Variants in PRKCB observed in about 807,000 individuals in gnomAD.
The protein encoded by PRKCB is protein kinase C beta, also known as protein kinase C beta type.
Under a neutral mutation model 81.5 loss-of-function variants are expected in PRKCB, and 13 were observed. The ratio of observed to expected loss-of-function variants is 0.16; its 90% confidence interval spans 0.10 to 0.25. The LOEUF is 0.25. PRKCB is among the 10% of genes least tolerant of loss of function. PRKCB has a pLI of 1.00. For synonymous variants in PRKCB, 335 were observed against 321.4 expected (o/e 1.04, Z -0.45); for missense variants, 509 against 875.7 (o/e 0.58, Z 5.29).
chr16:24,085,968 C>T (rs914945851), intron 5 of PRKCB, among the ~76,000 whole-genome samples: 4 of 152,108 alleles, frequency 2.6e-5, no homozygotes, highest in Non-Finnish European at 2.9e-5. Context: ...GTTCTAGGAG[C>T]CTTTGGGACC....
chr16:24,119,022 G>A (rs1966766635), intron 8 of PRKCB, among the ~76,000 whole-genome samples: 1 of 152,016 alleles, frequency 6.6e-6, no homozygotes, highest in African/African-American at 2.4e-5. Flanking sequence ...AAAGAAGCTG[G>A]GGATCTGGGT....
chr16:23,974,152 T>C (rs1596493497), intron 2 of PRKCB, among the ~76,000 whole-genome samples: 1 of 151,588 alleles, frequency 6.6e-6, no homozygotes, highest in Non-Finnish European at 1.5e-5. Context: ...GTGGTGGTGG[T>C]GAGGGAGGAG....
At chr16:24,110,562 G>T (rs2141916721) in intron 7 of PRKCB, among the ~76,000 whole-genome samples, 1 of 141,156 alleles carries the variant, frequency 7.1e-6, no homozygotes, top group Admixed American at 7.2e-5. Flanking sequence ...TGTCACCCAG[G>T]CTGGAGTGCA....
intron 2 of PRKCB, among the ~76,000 whole-genome samples, chr16:23,886,404 G>T (rs1407240090): frequency 1.9e-5 from 2 of 103,354 alleles, no homozygotes; most frequent in Admixed American, 2.4e-4. Flanking sequence ...GGTGTGTTAG[G>T]TGTTTTTTTT....
At chr16:24,194,380 T>C (rs1285529093) in intron 16 of PRKCB, among the ~76,000 whole-genome samples, 1 of 151,864 alleles carries the variant, frequency 6.6e-6, no homozygotes. Flanking sequence ...AACCTCACAA[T>C]TTCTTTTATA....
intron 15 of PRKCB, among the ~76,000 whole-genome samples, chr16:24,189,612 A>C (rs1313761095): frequency 2.0e-5 from 3 of 148,100 alleles, no homozygotes; most frequent in Non-Finnish European, 3.0e-5. Context: ...TCTGCACTCC[A>C]GCCTGGGTGA....
intron 2 of PRKCB, among the ~76,000 whole-genome samples, chr16:23,865,110 C>T (rs1250577475): frequency 6.6e-6 from 1 of 152,026 alleles, no homozygotes; most frequent in Admixed American, 6.6e-5. Context: ...TATGACTGAT[C>T]CCACAGAAAC....
chr16:23,970,464 A>T (rs1964541667), intron 2 of PRKCB, among the ~76,000 whole-genome samples: 1 of 152,216 alleles, frequency 6.6e-6, no homozygotes, highest in Non-Finnish European at 1.5e-5. Context: ...ATGTGCAGGC[A>T]GATACTGGAG....
intron 5 of PRKCB, among the ~76,000 whole-genome samples, chr16:24,090,569 C>A (rs1174111770): frequency 6.6e-6 from 1 of 151,910 alleles, no homozygotes; most frequent in Admixed American, 6.6e-5. Context: ...CTAAAATGCA[C>A]CATAAAATTG....
In PRKCB at chr16:24,219,924, T is replaced by TTACGC. The variant is rs1968295970; in HGVS notation, c.*5110_*5114dup. 6.2e-7 allele frequency: 1 copy of TTACGC among 1,608,894 alleles called. No individual in the cohort carries two copies. The highest frequency in any genetic ancestry group is 1.3e-5 in the African/African-American group (1 of 74,738). ...GTATCTTGGTCCTGTGTCTTTCTTC[T>TTACGC]TACGCTGTGTTAATGTGTTTACTTT... On this transcript the variant is annotated 3_prime_UTR_variant, in exon 17 of 17. Transcript: ENST00000643927.
At chr16:24,035,687 T>A in intron 5 of PRKCB, 140 bp downstream of exon 5, 1 of 1,002,560 alleles carries the variant, frequency 1.0e-6, no homozygotes, top group Non-Finnish European at 1.4e-6. Context: ...GCACTGCTTC[T>A]GCCCCATGCC....
chr16:23,933,768 C>CTCCATCCA lies in PRKCB; in HGVS notation c.206-54707_206-54700dup, dbSNP rs377110328. On this transcript the variant is annotated intron_variant, in intron 2 of 16. Coordinates refer to ENST00000643927, the MANE Select transcript of PRKCB (RefSeq NM_002738.7). ...GTCCATCCATCTATCCATCTATCCA[C>CTCCATCCA]TCCATCCATCCATCCATCCATCCAT... 7.7e-3 allele frequency among the ~76,000 whole-genome samples: 968 copies of CTCCATCCA among 125,722 alleles called. 14 individuals are homozygous for CTCCATCCA. Among genetic ancestry groups the CTCCATCCA allele is most frequent in the East Asian group, 0.012 (47 of 3,952 alleles). The allele number at this position is 125,722 out of a possible 152,430, so 82.5% of individuals were successfully genotyped here. A position where few individuals can be genotyped will look rare whatever the true frequency, so the allele number is the denominator to read the frequency against.
At chr16:24,069,389 G>C (rs1412540871) in intron 5 of PRKCB, among the ~76,000 whole-genome samples, 1 of 152,170 alleles carries the variant, frequency 6.6e-6, no homozygotes, top group East Asian at 1.9e-4. Flanking sequence ...GTTGAAGTTT[G>C]GCCCGGAAGA....
rs754659392 is a variant in PRKCB at position 24,035,493 on chromosome 16, C to T, written c.475C>T (p.Arg159Cys). The change falls in exon 5 of 17, where the codon CGC becomes TGC. Residue 159 changes from arginine (R) to cysteine (C), a missense_variant. Physicochemically the swap from Arg to Cys is radical, Grantham distance 180 (BLOSUM62 -3). Coordinates refer to ENST00000643927, the MANE Select transcript of PRKCB (RefSeq NM_002738.7). Reference sequence around the variant, plus strand: ...GTGTGGCACGGACCACACGGAGCGCCGCGGCCGCATCTACATCCAGGCCCA... The same window carrying T: ...GTGTGGCACGGACCACACGGAGCGCTGCGGCCGCATCTACATCCAGGCCCA... Reference protein sequence around the residue: ...SLCGTDHTERRGRIYIQAHID... With the variant: ...SLCGTDHTERCGRIYIQAHID... The T allele has an allele frequency of 1.2e-6, 2 of 1,614,040 alleles. No homozygotes were observed. The highest frequency in any genetic ancestry group is 1.7e-6 in the Non-Finnish European group (2 of 1,180,032).
At position 24,023,493 on chromosome 16, in the gene PRKCB, T is replaced by C. The variant is rs373928872; in HGVS notation, c.289-8643T>C. Among the ~76,000 whole-genome samples the C allele has an allele frequency of 5.3e-5, 8 of 152,284 alleles. No homozygotes were observed. The East Asian group carries it at 1.2e-3, about 22-fold the overall frequency. Reference sequence around the variant, plus strand: ...ACACCATTCTCCTGCCTCAGCCTCCTGAATAGCTGGGACTACAGGCGCCCG... The same window carrying C: ...ACACCATTCTCCTGCCTCAGCCTCCCGAATAGCTGGGACTACAGGCGCCCG... On this transcript the variant is annotated intron_variant, in intron 3 of 16. Coordinates refer to ENST00000643927, the MANE Select transcript of PRKCB (RefSeq NM_002738.7).
chr16:23,850,604 A>T (rs1246053189), intron 2 of PRKCB, among the ~76,000 whole-genome samples: 1 of 152,148 alleles, frequency 6.6e-6, no homozygotes, highest in Non-Finnish European at 1.5e-5. Context: ...ACCTCAGGTG[A>T]TCCACCTGCC....
At chr16:23,907,133 C>T (rs1963572234) in intron 2 of PRKCB, among the ~76,000 whole-genome samples, 1 of 152,184 alleles carries the variant, frequency 6.6e-6, no homozygotes, top group Admixed American at 6.5e-5. Context: ...TGTTTAGCAG[C>T]ATCCTTGGTC....
At chr16:24,006,622 A>C (rs1198736976) in intron 3 of PRKCB, among the ~76,000 whole-genome samples, 1 of 152,254 alleles carries the variant, frequency 6.6e-6, no homozygotes, top group East Asian at 1.9e-4. Flanking sequence ...GCGTTGAAAG[A>C]AAACTTGAAC....
intron 8 of PRKCB, among the ~76,000 whole-genome samples, chr16:24,118,643 T>C (rs1285213362): frequency 6.6e-6 from 1 of 152,182 alleles, no homozygotes. Flanking sequence ...GTCTGGAAGG[T>C]GGCTTGGCTC....
Sources: gnomAD v4.1 joint callset for allele counts (sites outside exome capture counted in the v4.1 genomes callset) on GRCh38, gnomAD v4.1.1 for gene constraint, MANE v1.5 for transcripts, NCBI Gene and HGNC (gene_info 2026-07-23, HGNC 2026-07-21) for gene names.